The following DOCK10 variants were observed in gnomAD, a reference collection of about 807,000 sequenced individuals.
DOCK10 encodes dedicator of cytokinesis protein 10.
In DOCK10, 145 loss-of-function variants were observed where a neutral mutation model predicts 280.1. The observed-to-expected ratio is 0.52, with a 90% CI of 0.45 to 0.59. The LOEUF is 0.59. Among genes scored for constraint, DOCK10 ranks in the 20% least tolerant of loss-of-function variants. The pLI, the probability that DOCK10 is intolerant of heterozygous loss-of-function variation, is 0.00. For missense variants in DOCK10, 2,368 were observed against 2,651.7 expected (o/e 0.89, Z 2.35); for synonymous variants, 915 against 942.2 (o/e 0.97, Z 0.53).
chr2:224,886,252 A>G, intron 5 of DOCK10, 67 bp from the exon 6 acceptor site: 1 of 1,589,192 alleles, frequency 6.3e-7, no homozygotes, highest in Non-Finnish European at 8.6e-7. Flanking sequence ...CACTGCATTT[A>G]AAAAAGAGAC....
intron 2 of DOCK10, among the ~76,000 whole-genome samples, chr2:224,930,592 A>G (rs1459061675): frequency 1.3e-5 from 2 of 152,178 alleles, no homozygotes; most frequent in African/African-American, 2.4e-5. Flanking sequence ...AAACTCTTTA[A>G]AAGCCAGAAG....
intron 43 of DOCK10, among the ~76,000 whole-genome samples, chr2:224,796,636 T>C (rs1350736657): frequency 3.3e-5 from 5 of 152,206 alleles, no homozygotes; most frequent in Admixed American, 2.6e-4. Context: ...AATCTTGGAA[T>C]CTTGGGATGC....
At chr2:225,005,601 A>G (rs1206333384) in intron 1 of DOCK10, among the ~76,000 whole-genome samples, 1 of 152,226 alleles carries the variant, frequency 6.6e-6, no homozygotes, top group Admixed American at 6.5e-5. Context: ...TATCACTTGT[A>G]AAAAACAGAA....
intron 1 of DOCK10, among the ~76,000 whole-genome samples, chr2:224,950,054 T>C (rs1703641170): frequency 6.6e-6 from 1 of 152,226 alleles, no homozygotes; most frequent in Non-Finnish European, 1.5e-5. Context: ...AAGTTTCCAC[T>C]GTATCCTGAA....
intron 1 of DOCK10, among the ~76,000 whole-genome samples, chr2:224,990,736 C>T (rs1217072203): frequency 1.3e-5 from 2 of 152,156 alleles, no homozygotes; most frequent in Non-Finnish European, 2.9e-5. Context: ...GGTAATGTGA[C>T]ACAAGTTCTA....
At chr2:224,768,072 C>G (rs557604193) in intron 55 of DOCK10, among the ~76,000 whole-genome samples, 4 of 151,930 alleles carry the variant, frequency 2.6e-5, no homozygotes, top group Admixed American at 2.6e-4. Context: ...TGCCACCACA[C>G]AGGCTAATTT....
chr2:224,965,739 T>C (rs966424583), intron 1 of DOCK10, among the ~76,000 whole-genome samples: 5 of 152,200 alleles, frequency 3.3e-5, no homozygotes, highest in Non-Finnish European at 5.9e-5. Flanking sequence ...AACTTCCATA[T>C]AGCATAAAAT....
At chr2:225,003,006 T>C (rs1348443289) in intron 1 of DOCK10, among the ~76,000 whole-genome samples, 1 of 152,188 alleles carries the variant, frequency 6.6e-6, no homozygotes, top group African/African-American at 2.4e-5. Context: ...ATTCCATCTC[T>C]ATTTGAGAAT....
intron 41 of DOCK10, 75 bp downstream of exon 41, chr2:224,800,076 A>G (rs1056399546): frequency 2.2e-4 from 182 of 831,988 alleles, no homozygotes; most frequent in Non-Finnish European, 3.3e-4. Flanking sequence ...AAAAAAAACC[A>G]TGTTTTTGAC....
chr2:224,914,428 T>G (rs1396268320), intron 3 of DOCK10, among the ~76,000 whole-genome samples: 2 of 152,168 alleles, frequency 1.3e-5, no homozygotes, highest in Non-Finnish European at 2.9e-5. Flanking sequence ...GGCAACTCGG[T>G]ATTAAGGTAA....
At chr2:224,804,316 A>T in intron 38 of DOCK10, 103 bp from the exon 39 acceptor site, 1 of 651,906 alleles carries the variant, frequency 1.5e-6, no homozygotes, top group Non-Finnish European at 2.6e-6. Context: ...GAAATATTTC[A>T]CATGCTGTGA....
chr2:224,874,180 C>T, intron 10 of DOCK10, 29 bp from the exon 11 acceptor site: 1 of 1,575,718 alleles, frequency 6.3e-7, no homozygotes, highest in East Asian at 2.3e-5. Flanking sequence ...AGTCACCAAA[C>T]ATCCAACATA....
chr2:224,799,371 T>C (rs992934276), intron 41 of DOCK10, among the ~76,000 whole-genome samples: 1 of 152,274 alleles, frequency 6.6e-6, no homozygotes, highest in African/African-American at 2.4e-5. Context: ...AGTAGTCTAT[T>C]GTATGGATAT....
intron 1 of DOCK10, among the ~76,000 whole-genome samples, chr2:224,939,050 C>A (rs1338764709): frequency 1.3e-5 from 2 of 152,212 alleles, no homozygotes; most frequent in Non-Finnish European, 2.9e-5. Flanking sequence ...TCAGATTAAG[C>A]TGAATTTGGA....
intron 1 of DOCK10, among the ~76,000 whole-genome samples, chr2:224,938,811 C>G (rs1702845902): frequency 1.3e-5 from 2 of 152,186 alleles, no homozygotes; most frequent in Admixed American, 6.5e-5. Context: ...GGTCATGTAA[C>G]AGATTTAATT....
At chr2:224,848,151 C>T (rs1167801505) in intron 19 of DOCK10, among the ~76,000 whole-genome samples, 2 of 152,176 alleles carry the variant, frequency 1.3e-5, no homozygotes, top group Non-Finnish European at 2.9e-5. Context: ...CCTGAAGGTT[C>T]GTCACCCTGC....
intron 52 of DOCK10, among the ~76,000 whole-genome samples, chr2:224,773,551 T>C (rs1421219044): frequency 6.6e-6 from 1 of 152,178 alleles, no homozygotes; most frequent in Non-Finnish European, 1.5e-5. Flanking sequence ...TCCTTTGACC[T>C]GTGTGCCCTT....
At chr2:224,841,709 T>G in intron 23 of DOCK10, 95 bp downstream of exon 23, 1 of 725,104 alleles carries the variant, frequency 1.4e-6, no homozygotes, top group Non-Finnish European at 2.4e-6. Context: ...TGAGTAATAA[T>G]CATCTCCCAG....
chr2:225,042,124 G>T lies in DOCK10; in HGVS notation c.123+128C>A. 9.2e-7 allele frequency: 1 copy of T among 1,088,672 alleles called. No homozygotes were observed. The highest frequency in any genetic ancestry group is 1.2e-6 in the Non-Finnish European group (1 of 864,408). 67.4% of individuals were successfully genotyped at this position (1,088,672 alleles called of 1,614,324 possible). A position where few individuals can be genotyped will look rare whatever the true frequency, so the allele number is the denominator to read the frequency against. ...GGGAGCCCGCAGAGGCGGCGGGGGAGGGAGTGCGGAGGAGAGGACCCGTGA... is the reference window on the plus strand; with the variant it reads ...GGGAGCCCGCAGAGGCGGCGGGGGATGGAGTGCGGAGGAGAGGACCCGTGA... On this transcript the variant is annotated intron_variant, in intron 1 of 55. Transcript: ENST00000258390. This position sits in a 1 kb window ranked among gnomAD's most constrained non-coding sequence, Gnocchi z 5.1.
Sources: allele counts gnomAD v4.1 joint callset (sites outside exome capture counted in the v4.1 genomes callset), GRCh38; gene constraint gnomAD v4.1.1; non-coding constraint Gnocchi (gnomAD v3.1); transcripts MANE v1.5; gene names NCBI Gene and HGNC (gene_info 2026-07-23, HGNC 2026-07-21).